Variants in SHISA9 observed in about 807,000 individuals in gnomAD.
The protein encoded by SHISA9 is protein shisa-9.
SHISA9 carries 13 observed loss-of-function variants against 38.0 expected under a neutral mutation model. The observed-to-expected ratio is 0.34, with a 90% CI of 0.22 to 0.54. The LOEUF (loss-of-function observed/expected upper bound fraction) is 0.54, where lower values mean the gene tolerates loss of function less well. SHISA9 is among the 20% of genes least tolerant of loss of function. The pLI is 0.91. For synonymous variants in SHISA9, 275 were observed against 242.0 expected, an observed-to-expected ratio of 1.14 and a Z score of -1.27; for missense variants, 538 against 575.8, an observed-to-expected ratio of 0.93 and a Z score of 0.67.
the SHISA9 span, among the ~76,000 whole-genome samples, chr16:13,362,214 C>A: frequency 2.7e-3 from 350 of 127,348 alleles, no homozygotes; most frequent in African/African-American, 3.3e-3. Context: ...GAACGACAGC[C>A]AAAAAAAAAA....
intron 4 of SHISA9, among the ~76,000 whole-genome samples, chr16:13,225,970 G>T (rs1754291665): frequency 6.6e-6 from 1 of 152,182 alleles, no homozygotes; most frequent in Non-Finnish European, 1.5e-5. Flanking sequence ...TTGTTGAAAG[G>T]CTCACACATC....
chr16:13,249,231 C>T, the SHISA9 span, among the ~76,000 whole-genome samples: 7 of 152,220 alleles, frequency 4.6e-5, no homozygotes, highest in East Asian at 1.2e-3. Flanking sequence ...GATGAGTTTT[C>T]CTTGGTTCAT....
At chr16:13,463,587 G>C in the SHISA9 span, among the ~76,000 whole-genome samples, 1 of 152,146 alleles carries the variant, frequency 6.6e-6, no homozygotes, top group Admixed American at 6.5e-5. Flanking sequence ...TCTAAAAGAA[G>C]GAAAAAATAG....
At chr16:13,125,951 G>A (rs745975372) in intron 2 of SHISA9, among the ~76,000 whole-genome samples, 33 of 152,218 alleles carry the variant, frequency 2.2e-4, no homozygotes, top group Non-Finnish European at 4.3e-4. Flanking sequence ...CAGGGTCAGA[G>A]TACAGAAGCA....
the SHISA9 span, among the ~76,000 whole-genome samples, chr16:13,423,118 C>G: frequency 5.9e-5 from 9 of 152,296 alleles, no homozygotes; most frequent in Non-Finnish European, 1.0e-4. Context: ...TTTTATGAGT[C>G]AGTGACTTGA....
chr16:13,228,214 A>C (rs1482572580), intron 4 of SHISA9, among the ~76,000 whole-genome samples: 1 of 152,160 alleles, frequency 6.6e-6, no homozygotes, highest in African/African-American at 2.4e-5. Flanking sequence ...CTCTTGCCCC[A>C]AGTACCAAAC....
At chr16:12,940,000 A>G (rs2071588067) in intron 2 of SHISA9, among the ~76,000 whole-genome samples, 1 of 152,310 alleles carries the variant, frequency 6.6e-6, no homozygotes, top group African/African-American at 2.4e-5. Flanking sequence ...AAAAGTCATT[A>G]TTATCCAACC....
At chr16:13,421,890 G>T in the SHISA9 span, among the ~76,000 whole-genome samples, 1 of 152,170 alleles carries the variant, frequency 6.6e-6, no homozygotes, top group South Asian at 2.1e-4. Context: ...TAAAAGAAAT[G>T]TCTGATCAGC....
intron 2 of SHISA9, among the ~76,000 whole-genome samples, chr16:13,057,022 C>T (rs572072380): frequency 2.0e-5 from 3 of 152,222 alleles, no homozygotes; most frequent in Admixed American, 6.5e-5. Context: ...GGGGCGCCCC[C>T]GATCCAGAAA....
At chr16:13,434,419 G>GTGTTTTTTTTGTT in the SHISA9 span, among the ~76,000 whole-genome samples, 6 of 64,566 alleles carry the variant, frequency 9.3e-5, no homozygotes, top group African/African-American at 3.3e-4. Context: ...GACAAGCTAT[G>GTGTTTTTTTTGTT]TTTTTTTTTT....
chr16:13,556,426 C>T, the SHISA9 span, among the ~76,000 whole-genome samples: 2 of 151,994 alleles, frequency 1.3e-5, no homozygotes, highest in East Asian at 1.9e-4. Flanking sequence ...CTTGGGAGGC[C>T]GAGGCGGGCG....
the SHISA9 span, among the ~76,000 whole-genome samples, chr16:13,502,586 A>G: frequency 6.6e-6 from 1 of 152,160 alleles, no homozygotes; most frequent in Non-Finnish European, 1.5e-5. Context: ...ATGCATTAGG[A>G]AAGACAGGCC....
the SHISA9 span, among the ~76,000 whole-genome samples, chr16:13,551,085 C>T: frequency 4.0e-5 from 6 of 150,604 alleles, no homozygotes; most frequent in Non-Finnish European, 7.4e-5. Flanking sequence ...GATCACGCCA[C>T]TGCACTCCAG....
chr16:13,401,532 G>GA, the SHISA9 span, among the ~76,000 whole-genome samples: 1,063 of 152,354 alleles, frequency 7.0e-3, 5 homozygotes, highest in Non-Finnish European at 0.011. Context: ...CTGTGAGGAA[G>GA]TGATAAAGAT....
chr16:13,397,240 T>A, the SHISA9 span, among the ~76,000 whole-genome samples: 2 of 152,216 alleles, frequency 1.3e-5, no homozygotes, highest in Admixed American at 1.3e-4. Context: ...AAAAGTTCCC[T>A]TATCCCCCTG....
chr16:13,118,730 CTTTT>C (rs34471353), intron 2 of SHISA9, among the ~76,000 whole-genome samples: 3 of 130,774 alleles, frequency 2.3e-5, no homozygotes, highest in Non-Finnish European at 3.2e-5. Context: ...TTTCTTTTTT[CTTTT>C]TTTTTTTTTT....
At chr16:13,129,826 G>C (rs1055458062) in intron 2 of SHISA9, among the ~76,000 whole-genome samples, 1 of 152,102 alleles carries the variant, frequency 6.6e-6, no homozygotes, top group African/African-American at 2.4e-5. Context: ...CTTACCCCAT[G>C]TCCAACCAGA....
rs561018515 is a variant in SHISA9, at chr16:13,211,106, G to A, written c.848-2147G>A. On this transcript the variant is annotated intron_variant, in intron 3 of 4. Coordinates refer to ENST00000558583, the MANE Select transcript of SHISA9 (RefSeq NM_001145204.3). ...GAGATCAGGAGTTCGAGACCAGCCT[G>A]GCCAACGTGGTGAAACCCCATCTCT... Among the ~76,000 whole-genome samples, 198 of 152,198 alleles carry A rather than the reference G, an allele frequency of 1.3e-3. 1 individual carries two copies. Among genetic ancestry groups the A allele is most frequent in the African/African-American group, 4.6e-3 (192 of 41,532 alleles).
At chr16:13,402,217 A>G in the SHISA9 span, among the ~76,000 whole-genome samples, 2 of 152,186 alleles carry the variant, frequency 1.3e-5, no homozygotes, top group Non-Finnish European at 2.9e-5. Context: ...TGCTGTCTGC[A>G]AGTTGGAGAA....
Sources: gnomAD v4.1 joint callset for allele counts (sites outside exome capture counted in the v4.1 genomes callset) on GRCh38, gnomAD v4.1.1 for gene constraint, MANE v1.5 for transcripts, NCBI Gene and HGNC (gene_info 2026-07-23, HGNC 2026-07-21) for gene names.